Variants in CRISP1 observed in about 807,000 individuals in gnomAD.
The protein encoded by CRISP1 is cysteine rich secretory protein 1.
In CRISP1, 44 loss-of-function variants were observed where a neutral mutation model predicts 33.1. The observed-to-expected ratio is 1.33, with a 90% confidence interval of 1.05 to 1.71. The LOEUF is 1.71. CRISP1 is among the 40% of genes most tolerant of loss of function. The probability of loss-of-function intolerance (pLI) is 0.00; values close to 1 mark genes in which losing one functional copy is unlikely to be tolerated. For missense variants in CRISP1, 390 were observed against 301.2 expected, an observed-to-expected ratio of 1.29 and a Z score of -2.18; for synonymous variants, 103 against 98.7, an observed-to-expected ratio of 1.04 and a Z score of -0.26.
chr6:49,863,927 A>G (rs1242052728), intron 1 of CRISP1, among the ~76,000 whole-genome samples: 1 of 152,206 alleles, frequency 6.6e-6, no homozygotes, highest in African/African-American at 2.4e-5. Flanking sequence ...TAACTTACAT[A>G]TAACACAGCA....
At chr6:49,871,744 G>T (rs1771929259) in intron 1 of CRISP1, among the ~76,000 whole-genome samples, 1 of 151,776 alleles carries the variant, frequency 6.6e-6, no homozygotes, top group African/African-American at 2.4e-5. Context: ...ATTTTTTATA[G>T]CTGCATAGTA....
At chr6:49,856,662 A>C (rs1771505672) in intron 2 of CRISP1, among the ~76,000 whole-genome samples, 1 of 152,148 alleles carries the variant, frequency 6.6e-6, no homozygotes, top group South Asian at 2.1e-4. Flanking sequence ...CATTTTCTAT[A>C]CCAAAGTTAT....
At chr6:49,864,443 C>A (rs1253169850) in intron 1 of CRISP1, among the ~76,000 whole-genome samples, 2 of 147,108 alleles carry the variant, frequency 1.4e-5, no homozygotes, top group South Asian at 4.4e-4. Context: ...TGGATATATA[C>A]CCCAGAGTGG....
intron 1 of CRISP1, among the ~76,000 whole-genome samples, chr6:49,860,319 T>G (rs1771611975): frequency 6.6e-6 from 1 of 152,188 alleles, no homozygotes; most frequent in Non-Finnish European, 1.5e-5. Flanking sequence ...AAAGTGCACA[T>G]TCCTCTCATC....
At chr6:49,835,791 TA>T (rs199554931) in intron 7 of CRISP1, among the ~76,000 whole-genome samples, 14,740 of 152,274 alleles carry the variant, frequency 0.097, 995 homozygotes, top group Non-Finnish European at 0.15. Flanking sequence ...TCTAATTATC[TA>T]ATGCTGCATT....
At chr6:49,873,686 A>T (rs926018343) in intron 1 of CRISP1, among the ~76,000 whole-genome samples, 37 of 152,100 alleles carry the variant, frequency 2.4e-4, no homozygotes, top group Non-Finnish European at 5.1e-4. Flanking sequence ...TTCTTTCAAG[A>T]TTATGTATTG....
chr6:49,838,671 T>A, intron 6 of CRISP1, 146 bp from the exon 7 acceptor site: 1 of 597,550 alleles, frequency 1.7e-6, no homozygotes, highest in Non-Finnish European at 2.9e-6. Flanking sequence ...GGTGTGAGAT[T>A]TCCAATCTTA....
At chr6:49,861,213 A>C (rs1464563680) in intron 1 of CRISP1, among the ~76,000 whole-genome samples, 1 of 152,184 alleles carries the variant, frequency 6.6e-6, no homozygotes, top group Non-Finnish European at 1.5e-5. Flanking sequence ...AAAAAATTCA[A>C]GGAAAGTAAA....
chr6:49,857,333 AC>A lies in CRISP1; in HGVS notation c.66+1del, dbSNP rs755752840. The A allele has an allele frequency of 6.2e-7, 1 of 1,612,470 alleles. No individual in the cohort carries two copies. Among genetic ancestry groups the A allele is most frequent in the Non-Finnish European group, 8.5e-7 (1 of 1,178,860 alleles). On this transcript the variant is annotated splice_donor_variant, in intron 2 of 7. Coordinates refer to ENST00000335847, the MANE Select transcript of CRISP1 (RefSeq NM_001131.3). LOFTEE classifies it high-confidence loss of function. ...ATTATGAAACATCCAACCCTCACAT[AC>A]TTTCATGGACAACATAGGCAGTAAG...
chr6:49,840,363 T>A (rs1167087635), intron 6 of CRISP1, among the ~76,000 whole-genome samples: 1 of 152,188 alleles, frequency 6.6e-6, no homozygotes, highest in African/African-American at 2.4e-5. Flanking sequence ...ATCTGTAACA[T>A]GTATATTTAA....
intron 1 of CRISP1, among the ~76,000 whole-genome samples, chr6:49,861,946 A>C (rs547969854): frequency 6.6e-6 from 1 of 152,174 alleles, no homozygotes; most frequent in East Asian, 1.9e-4. Flanking sequence ...ATCTAACATC[A>C]CACTAAATGG....
chr6:49,855,694 G>T (rs960007577), intron 2 of CRISP1, among the ~76,000 whole-genome samples: 1 of 152,074 alleles, frequency 6.6e-6, no homozygotes. Flanking sequence ...GATTGTCATG[G>T]AAAATTACCT....
chr6:49,849,832 G>A (rs1303864555), intron 3 of CRISP1, among the ~76,000 whole-genome samples: 4 of 151,960 alleles, frequency 2.6e-5, no homozygotes, highest in Non-Finnish European at 5.9e-5. Context: ...TAACTTATTA[G>A]CCTAGCACTG....
intron 5 of CRISP1, 41 bp downstream of exon 5, chr6:49,846,479 A>G (rs1443813907): frequency 1.3e-6 from 2 of 1,582,220 alleles, no homozygotes; most frequent in Non-Finnish European, 1.7e-6. Flanking sequence ...ACACATGCTT[A>G]TCTCTTAAAC....
intron 1 of CRISP1, among the ~76,000 whole-genome samples, chr6:49,865,821 G>A (rs935057057): frequency 6.6e-6 from 1 of 152,166 alleles, no homozygotes; most frequent in East Asian, 1.9e-4. Context: ...GTGGAGACTG[G>A]CAGATGGAAA....
chr6:49,846,532 G>A lies in CRISP1; in HGVS notation c.423C>T (p.Asp141=), dbSNP rs1221713604. ...GCACACAGGTTACCTGAGTGTAGTG[G>A]TCAGTAGTTATGTCATCATCCGTTG... is the stretch of plus-strand genomic sequence containing the variant. The part of the protein sequence containing the change: ...WTTTDDDITT[D]HYTQIVWATS... The change falls in exon 5 of 8, where the codon GAC becomes GAT. Residue 141 remains aspartate, a synonymous_variant. Transcript: ENST00000335847. The A allele has an allele frequency of 6.2e-7, 1 of 1,613,128 alleles. No homozygotes were observed. Among genetic ancestry groups the A allele is most frequent in the South Asian group, 1.1e-5 (1 of 91,014 alleles).
At chr6:49,844,434 G>T (rs1357042247) in intron 5 of CRISP1, among the ~76,000 whole-genome samples, 1 of 152,132 alleles carries the variant, frequency 6.6e-6, no homozygotes, top group Admixed American at 6.6e-5. Context: ...CAGAGATCAT[G>T]AGGGCTCCCA....
upstream of CRISP1, among the ~76,000 whole-genome samples, chr6:49,871,444 T>C (rs1345313432): frequency 1.3e-5 from 2 of 152,226 alleles, no homozygotes; most frequent in African/African-American, 2.4e-5. Context: ...GCCAATTTTT[T>C]CTAAGTCCAA....
At position 49,846,614 on chromosome 6, in the gene CRISP1, CTT is replaced by C. The variant is rs1216899200; in HGVS notation, c.339_340del (p.Ser114CysfsTer8). ...CTCACTGTACCAGACTCCAATTACA[CTT>C]GACCATGATACAGGATAAGATGTCA... On this transcript the variant is annotated frameshift_variant, in exon 5 of 8. Coordinates refer to ENST00000335847, the MANE Select transcript of CRISP1 (RefSeq NM_001131.3). LOFTEE classifies it high-confidence loss of function. 2.5e-6 allele frequency: 4 copies of C among 1,613,470 alleles called. No individual in the cohort carries two copies. In the African/African-American group the frequency reaches 5.3e-5, roughly 22 times the overall value.
Sources: allele counts gnomAD v4.1 joint callset (sites outside exome capture counted in the v4.1 genomes callset), GRCh38; gene constraint gnomAD v4.1.1; transcripts MANE v1.5; gene names NCBI Gene and HGNC (gene_info 2026-07-23, HGNC 2026-07-21).